NRXN3: variants seen among roughly 807,000 people sequenced by gnomAD.
NRXN3 encodes the protein neurexin 3.
NRXN3 carries 32 observed loss-of-function variants against 137.6 expected under a neutral mutation model. The observed-to-expected ratio is 0.23, with a 90% CI of 0.18 to 0.31. The LOEUF (loss-of-function observed/expected upper bound fraction) is 0.31. Ranked by LOEUF, NRXN3 falls within the 10% of genes least tolerant of loss-of-function variation. The probability of loss-of-function intolerance (pLI) is 1.00; values close to 1 mark genes in which losing one functional copy is unlikely to be tolerated. For missense variants in NRXN3, 1,574 were observed against 2,062.5 expected (o/e 0.76, Z 4.59); for synonymous variants, 798 against 784.5 (o/e 1.02, Z -0.29).
At chr14:78,492,508 A>G (rs1012025525) in intron 4 of NRXN3, among the ~76,000 whole-genome samples, 1 of 152,140 alleles carries the variant, frequency 6.6e-6, no homozygotes, top group African/African-American at 2.4e-5. Flanking sequence ...TAGTTTTTAG[A>G]TATATTAGTT....
intron 15 of NRXN3, among the ~76,000 whole-genome samples, chr14:79,273,686 G>C (rs1426091402): frequency 6.6e-6 from 1 of 151,996 alleles, no homozygotes; most frequent in Non-Finnish European, 1.5e-5. Context: ...TCATTTTTGT[G>C]TGTCGGGTAC....
chr14:78,305,987 G>A (rs1318617613), intron 4 of NRXN3, among the ~76,000 whole-genome samples: 1 of 152,060 alleles, frequency 6.6e-6, no homozygotes, highest in Non-Finnish European at 1.5e-5. Flanking sequence ...TCTTTGAGAC[G>A]GTGCTTGAAA....
At chr14:79,472,170 T>G (rs2153624333) in intron 16 of NRXN3, among the ~76,000 whole-genome samples, 1 of 152,322 alleles carries the variant, frequency 6.6e-6, no homozygotes, top group East Asian at 1.9e-4. Flanking sequence ...AAGAACATGA[T>G]TTCATTCTTT....
At chr14:78,916,599 T>C (rs73323345) in intron 10 of NRXN3, among the ~76,000 whole-genome samples, 1,987 of 152,210 alleles carry the variant, frequency 0.013, 43 homozygotes, top group African/African-American at 0.046. Context: ...GCTTGGGAGA[T>C]GAGGTCCGAG....
intron 4 of NRXN3, among the ~76,000 whole-genome samples, chr14:78,626,727 G>T (rs976088816): frequency 6.6e-6 from 1 of 152,184 alleles, no homozygotes; most frequent in Non-Finnish European, 1.5e-5. Context: ...TGCCTGGAGG[G>T]TTTTTGAGGG....
At chr14:79,245,636 G>T (rs1429959744) in intron 15 of NRXN3, among the ~76,000 whole-genome samples, 3 of 152,010 alleles carry the variant, frequency 2.0e-5, no homozygotes, top group Non-Finnish European at 1.5e-5. Flanking sequence ...CACAGTGCCT[G>T]GAACATAATA....
Position 79,865,737 on chromosome 14 carries a change from T to G in NRXN3, c.*3773T>G, listed in dbSNP as rs1195233801. The G allele has an allele frequency of 2.0e-5, 3 of 152,226 alleles. No individual in the cohort carries two copies. Among genetic ancestry groups the G allele is most frequent in the Admixed American group, 6.5e-5 (1 of 15,282 alleles). The allele number at this position is 152,226 out of a possible 1,614,324, so 9.4% of individuals were successfully genotyped here. A position where few individuals can be genotyped will look rare whatever the true frequency, so the allele number is the denominator to read the frequency against. On this transcript the variant is annotated 3_prime_UTR_variant, in exon 21 of 21. Transcript: ENST00000335750. The stretch of plus-strand genomic sequence containing the variant: ...GCCTCTCAACCTCAAACGATTCTCC[T>G]GCCTCAGCCTCCTGAGTAGCTGCGA...
intron 8 of NRXN3, among the ~76,000 whole-genome samples, chr14:78,760,714 C>T (rs181908552): frequency 1.3e-4 from 20 of 151,982 alleles, no homozygotes; most frequent in South Asian, 4.2e-4. Context: ...GTTTTATGGT[C>T]CCATATAATG....
intron 15 of NRXN3, among the ~76,000 whole-genome samples, chr14:79,331,846 G>C (rs1398095547): frequency 1.4e-5 from 2 of 140,662 alleles, no homozygotes; most frequent in African/African-American, 5.6e-5. Context: ...TTTGCTGTGT[G>C]TGTGTGTGTG....
In NRXN3 at chr14:78,243,891, A is replaced by C. The variant is rs1430202769; in HGVS notation, c.709+89A>C. The stretch of plus-strand genomic sequence containing the variant: ...ATACAAACCAGTTCTATATGGATGC[A>C]TATCTTTAGCTGCATGTTAGATCAC... On this transcript the variant is annotated intron_variant, in intron 2 of 20. Transcript: ENST00000335750. The surrounding 1 kb of genome is among the most constrained non-coding windows in gnomAD (Gnocchi z 4.2). The C allele has an allele frequency of 1.0e-6, 1 of 957,224 alleles. No homozygotes were observed. The highest frequency in any genetic ancestry group is 1.6e-6 in the Non-Finnish European group (1 of 641,822). The allele number at this position is 957,224 out of a possible 1,614,324, so 59.3% of individuals were successfully genotyped here. A position where few individuals can be genotyped will look rare whatever the true frequency, so the allele number is the denominator to read the frequency against.
intron 14 of NRXN3, among the ~76,000 whole-genome samples, chr14:78,981,608 A>G (rs188850263): frequency 5.9e-5 from 9 of 152,284 alleles, no homozygotes; most frequent in Admixed American, 6.5e-5. Flanking sequence ...ACTACTTTTA[A>G]TTATATTTGC....
intron 19 of NRXN3, among the ~76,000 whole-genome samples, chr14:79,771,015 G>C (rs1331431628): frequency 2.6e-5 from 4 of 152,112 alleles, no homozygotes; most frequent in Non-Finnish European, 5.9e-5. Context: ...AAATAAACTA[G>C]AAAATCTAGA....
intron 16 of NRXN3, among the ~76,000 whole-genome samples, chr14:79,520,253 T>G (rs982196177): frequency 6.6e-6 from 1 of 152,194 alleles, no homozygotes; most frequent in Non-Finnish European, 1.5e-5. Flanking sequence ...TTGAACCTCT[T>G]ATTTTCAACG....
intron 6 of NRXN3, among the ~76,000 whole-genome samples, chr14:78,688,134 A>T (rs958330931): frequency 2.0e-5 from 3 of 152,196 alleles, no homozygotes; most frequent in African/African-American, 4.8e-5. Context: ...AAATTTGAGC[A>T]TCCACAACAT....
chr14:79,448,292 C>T (rs1230959103), intron 15 of NRXN3, among the ~76,000 whole-genome samples: 1 of 152,196 alleles, frequency 6.6e-6, no homozygotes, highest in Non-Finnish European at 1.5e-5. Flanking sequence ...CTCAGAGGGG[C>T]CTGCCCTTCC....
At chr14:78,938,547 G>A (rs2099346400) in intron 10 of NRXN3, among the ~76,000 whole-genome samples, 1 of 152,062 alleles carries the variant, frequency 6.6e-6, no homozygotes, top group African/African-American at 2.4e-5. Flanking sequence ...CGTGGATGTG[G>A]AGAAATCTCA....
At chr14:78,184,274 T>C (rs1191617709) in intron 1 of NRXN3, among the ~76,000 whole-genome samples, 1 of 152,270 alleles carries the variant, frequency 6.6e-6, no homozygotes, top group Non-Finnish European at 1.5e-5. Context: ...TGCCAGGCAC[T>C]GGAATCACAT....
rs377052711 is a variant in NRXN3, at chr14:79,369,195, G to A, written c.3263-98026G>A. On this transcript the variant is annotated intron_variant, in intron 15 of 20. Transcript: ENST00000335750. Reference sequence around the variant, plus strand: ...GGTATAATCAAAGGTGGGTACAATGGAACAAGCCTGGAGGCAAGGACGGGC... The same window carrying A: ...GGTATAATCAAAGGTGGGTACAATGAAACAAGCCTGGAGGCAAGGACGGGC... Among the ~76,000 whole-genome samples the A allele has an allele frequency of 6.6e-5, 10 of 152,290 alleles. No individual in the cohort carries two copies. In the South Asian group the frequency reaches 2.1e-3, roughly 32 times the overall value.
chr14:78,460,101 T>A (rs918282160), intron 4 of NRXN3, among the ~76,000 whole-genome samples: 1 of 152,366 alleles, frequency 6.6e-6, no homozygotes, highest in Non-Finnish European at 1.5e-5. Flanking sequence ...TTATAAAGGA[T>A]ATTACAAAGA....
Sources: allele counts gnomAD v4.1 joint callset (sites outside exome capture counted in the v4.1 genomes callset), GRCh38; gene constraint gnomAD v4.1.1; non-coding constraint Gnocchi (gnomAD v3.1); transcripts MANE v1.5; gene names NCBI Gene and HGNC (gene_info 2026-07-23, HGNC 2026-07-21).